The following SAMSN1 variants were observed in gnomAD, a reference collection of about 807,000 sequenced individuals.
The protein encoded by SAMSN1 is SAM domain-containing protein SAMSN-1.
In SAMSN1, 31 loss-of-function variants were observed where a neutral mutation model predicts 42.0. The ratio of observed to expected loss-of-function variants is 0.74; its 90% CI spans 0.55 to 1.00. The LOEUF (loss-of-function observed/expected upper bound fraction) is 1.00, where lower values mean the gene tolerates loss of function less well. SAMSN1 is among the 50% of genes least tolerant of loss of function. SAMSN1 has a pLI of 0.00. For missense variants in SAMSN1, 464 were observed against 439.4 expected (o/e 1.06, Z -0.50); for synonymous variants, 178 against 151.9 (o/e 1.17, Z -1.26).
chr21:14,617,724 C>T (rs1292237623), intron 2 of SAMSN1, among the ~76,000 whole-genome samples: 1 of 152,122 alleles, frequency 6.6e-6, no homozygotes, highest in Non-Finnish European at 1.5e-5. Flanking sequence ...ACATTCGATA[C>T]CTTTTAATTT....
chr21:14,592,010 A>G (rs142633798), intron 7 of SAMSN1: 33 of 152,292 alleles, frequency 2.2e-4, no homozygotes, highest in African/African-American at 7.9e-4. Context: ...TCACTGACCT[A>G]TAGCTTTGGG....
chr21:14,499,561 G>A (rs943939404), intron 6 of SAMSN1, among the ~76,000 whole-genome samples: 2 of 150,262 alleles, frequency 1.3e-5, no homozygotes, highest in Non-Finnish European at 1.5e-5. Context: ...TATATTCTTA[G>A]CACTGAATTA....
At chr21:14,526,685 C>A (rs1978882193) in intron 1 of SAMSN1, among the ~76,000 whole-genome samples, 1 of 152,172 alleles carries the variant, frequency 6.6e-6, no homozygotes, top group South Asian at 2.1e-4. Context: ...GATATACTCT[C>A]CCCTATGCCA....
chr21:14,639,363 C>T (rs1037703767), intron 2 of SAMSN1, among the ~76,000 whole-genome samples: 1 of 152,146 alleles, frequency 6.6e-6, no homozygotes, highest in Non-Finnish European at 1.5e-5. Flanking sequence ...TCCTGTGTCA[C>T]TCCATGGCAG....
rs530065889 is a variant in SAMSN1 at position 14,605,296 on chromosome 21, A to T, written c.323-3197T>A. 2.0e-5 allele frequency among the ~76,000 whole-genome samples: 3 copies of T among 152,326 alleles called. No individual in the cohort carries two copies. In the South Asian group the frequency reaches 6.2e-4, roughly 32 times the overall value. On this transcript the variant is annotated intron_variant, in intron 5 of 15. Coordinates refer to the SAMSN1 transcript ENST00000647101. The stretch of plus-strand genomic sequence containing the variant: ...AGTGGTCTCATCGTTGAATTCAGAA[A>T]GCCTTCCTCGGCTATATGAGGCATC...
chr21:14,500,472 C>T (rs1332288483), intron 6 of SAMSN1, 57 bp downstream of exon 6: 2 of 1,430,002 alleles, frequency 1.4e-6, no homozygotes, highest in South Asian at 1.2e-5. Flanking sequence ...TGATCCACTC[C>T]CTTCGGTGTT....
upstream of SAMSN1, among the ~76,000 whole-genome samples, chr21:14,659,251 G>A (rs145228012): frequency 2.6e-5 from 4 of 151,894 alleles, no homozygotes; most frequent in African/African-American, 9.7e-5. Context: ...AAGATATAGA[G>A]ATAAACACAT....
At chr21:14,530,316 CAAA>C (rs71183428) in intron 1 of SAMSN1, among the ~76,000 whole-genome samples, 2 of 75,724 alleles carry the variant, frequency 2.6e-5, no homozygotes, top group Non-Finnish European at 4.8e-5. Context: ...GACTCCGTCT[CAAA>C]AAAAAAAAAA....
intron 5 of SAMSN1, among the ~76,000 whole-genome samples, chr21:14,509,393 G>C (rs1987574320): frequency 6.6e-6 from 1 of 152,218 alleles, no homozygotes. Flanking sequence ...GGACTTTGGG[G>C]ACTTGGGGAA....
At chr21:14,487,367 T>TG (rs11432547) in intron 7 of SAMSN1, among the ~76,000 whole-genome samples, 63,294 of 151,444 alleles carry the variant, frequency 0.42, 17,237 homozygotes, top group African/African-American at 0.77. Flanking sequence ...ATATCTATCT[T>TG]CTTTAAAATG....
intron 7 of SAMSN1, among the ~76,000 whole-genome samples, chr21:14,493,572 ACAACACACACACACACAC>A (rs148515540): frequency 0.37 from 49,360 of 131,732 alleles, 9,349 homozygotes; most frequent in Non-Finnish European, 0.47. Flanking sequence ...TGTTTATGGA[ACAACACACACACACACAC>A]ACACACACAC....
chr21:14,626,272 G>A (rs567620600), intron 2 of SAMSN1, among the ~76,000 whole-genome samples: 108 of 152,260 alleles, frequency 7.1e-4, no homozygotes, highest in African/African-American at 2.5e-3. Context: ...AGCCAAAATT[G>A]ACAACTGGGA....
chr21:14,621,779 G>T (rs908323664), intron 2 of SAMSN1, among the ~76,000 whole-genome samples: 9 of 152,190 alleles, frequency 5.9e-5, no homozygotes, highest in African/African-American at 1.9e-4. Context: ...GAGAGTAGTG[G>T]TTCTCTCAGC....
At position 14,518,355 on chromosome 21, in the gene SAMSN1, T is replaced by C. The variant is rs572237327; in HGVS notation, c.130-1314A>G. On this transcript the variant is annotated intron_variant, in intron 2 of 7. Coordinates refer to ENST00000400566, the MANE Select transcript of SAMSN1 (RefSeq NM_022136.5). ...TCCATGAGACTTGAGACTTTGTCTGTTTTCTTTGAGTGTCTAGAGTACTTC... is the reference window on the plus strand; with the variant it reads ...TCCATGAGACTTGAGACTTTGTCTGCTTTCTTTGAGTGTCTAGAGTACTTC... 2.9e-4 allele frequency among the ~76,000 whole-genome samples: 44 copies of C among 152,346 alleles called. No individual in the cohort carries two copies. The South Asian group carries it at 8.9e-3, about 31-fold the overall frequency.
chr21:14,568,338 G>A (rs959518975), intron 2 of SAMSN1, among the ~76,000 whole-genome samples: 1 of 152,134 alleles, frequency 6.6e-6, no homozygotes, highest in African/African-American at 2.4e-5. Flanking sequence ...GCAGCACTGA[G>A]CTCTAATAAG....
chr21:14,531,069 CAAAT>C (rs1230587153), intron 1 of SAMSN1, among the ~76,000 whole-genome samples: 11 of 151,966 alleles, frequency 7.2e-5, no homozygotes, highest in African/African-American at 2.7e-4. Flanking sequence ...AATAATTCTA[CAAAT>C]AAATAATTCT....
chr21:14,619,102 G>C (rs998533823), intron 2 of SAMSN1, among the ~76,000 whole-genome samples: 7 of 152,104 alleles, frequency 4.6e-5, no homozygotes, highest in African/African-American at 1.7e-4. Context: ...TTAAAAAATA[G>C]AAAGAGAAGA....
rs376413317 is a variant in SAMSN1, at chr21:14,521,193, C to A, written c.86G>T (p.Arg29Leu). 6.2e-7 allele frequency: 1 copy of A among 1,609,956 alleles called. No homozygotes were observed. Among genetic ancestry groups the A allele is most frequent in the Non-Finnish European group, 8.5e-7 (1 of 1,177,810 alleles). ...TTTTGATAAAGAATTATTCCGAAAA[C>A]GATCGAAATTCCCAAAACTGCTGCT... ...KRSSSFGNFD[R>L]FRNNSLSKPD... is the part of the protein sequence containing the mutation. Residue 29 changes from arginine to leucine, a missense_variant, in exon 2 of 8, where the codon CGT (arginine) becomes CTT (leucine). Transcript: ENST00000400566.
At chr21:14,555,907 T>C (rs1980747953) in intron 2 of SAMSN1, among the ~76,000 whole-genome samples, 1 of 152,210 alleles carries the variant, frequency 6.6e-6, no homozygotes, top group Non-Finnish European at 1.5e-5. Flanking sequence ...TTAACTTTTA[T>C]CTGAACATAG....
Sources: allele counts gnomAD v4.1 joint callset (sites outside exome capture counted in the v4.1 genomes callset), GRCh38; gene constraint gnomAD v4.1.1; transcripts MANE v1.5; gene names NCBI Gene and HGNC (gene_info 2026-07-23, HGNC 2026-07-21).